PDE1A: variants seen among roughly 807,000 people sequenced by gnomAD.
The protein encoded by PDE1A is dual specificity calcium/calmodulin-dependent 3',5'-cyclic nucleotide phosphodiesterase 1A.
Under a neutral mutation model 61.7 loss-of-function variants are expected in PDE1A, and 35 were observed. That is an observed-to-expected ratio of 0.57 (90% CI 0.43 to 0.75). The LOEUF (loss-of-function observed/expected upper bound fraction) is 0.75. Among genes scored for constraint, PDE1A ranks in the 30% least tolerant of loss-of-function variants. The probability of loss-of-function intolerance (pLI) is 0.00; values close to 1 mark genes in which losing one functional copy is unlikely to be tolerated. For missense variants in PDE1A, 597 were observed against 630.6 expected (o/e 0.95, Z 0.57); for synonymous variants, 232 against 213.2 (o/e 1.09, Z -0.77).
At chr2:182,364,481 A>AAAAAAAAC (rs1559379151) in intron 1 of PDE1A, among the ~76,000 whole-genome samples, 1 of 145,428 alleles carries the variant, frequency 6.9e-6, no homozygotes, top group East Asian at 2.0e-4. Flanking sequence ...AAAAAAAAAA[A>AAAAAAAAC]AAAAAAAAAA....
At chr2:182,146,554 C>CA (rs748243867), downstream of PDE1A, among the ~76,000 whole-genome samples, 10 of 152,042 alleles carry the variant, frequency 6.6e-5, no homozygotes, top group African/African-American at 9.7e-5. Context: ...GGCCTGATCT[C>CA]GCTCACTGCA....
the PDE1A span, among the ~76,000 whole-genome samples, chr2:182,626,726 T>TATATATATACACATATATATATAC: frequency 7.8e-5 from 1 of 12,770 alleles, no homozygotes; most frequent in Non-Finnish European, 3.0e-4. Flanking sequence ...TTTATATATA[T>TATATATATACACATATATATATAC]ATATATATAT....
intron 1 of PDE1A, among the ~76,000 whole-genome samples, chr2:182,392,959 A>C (rs539621806): frequency 6.6e-6 from 1 of 152,330 alleles, no homozygotes; most frequent in East Asian, 1.9e-4. Flanking sequence ...CCAGATACAC[A>C]GTGTAAGCTG....
the PDE1A span, among the ~76,000 whole-genome samples, chr2:182,667,260 G>T: frequency 2.6e-5 from 4 of 152,152 alleles, no homozygotes; most frequent in East Asian, 1.9e-4. Context: ...AATTCCTGCA[G>T]GTCTAAATAG....
At chr2:182,213,698 C>T (rs1205079993) in intron 7 of PDE1A, among the ~76,000 whole-genome samples, 77 of 73,316 alleles carry the variant, frequency 1.1e-3, no homozygotes, top group African/African-American at 3.4e-3. Flanking sequence ...TGAAATGAAG[C>T]GAGAAGGGAA....
chr2:182,362,266 C>A (rs201635388), intron 1 of PDE1A, among the ~76,000 whole-genome samples: 1 of 151,870 alleles, frequency 6.6e-6, no homozygotes, highest in Non-Finnish European at 1.5e-5. Context: ...GTCCCCCAGG[C>A]CTTTTTGTTG....
chr2:182,168,301 A>C, intron 13 of PDE1A: 1 of 1,583,544 alleles, frequency 6.3e-7, no homozygotes, highest in Non-Finnish European at 8.5e-7. Flanking sequence ...CTGAAAAAAA[A>C]AAAAGCGTAC....
intron 1 of PDE1A, among the ~76,000 whole-genome samples, chr2:182,276,930 G>C (rs370638405): frequency 1.3e-5 from 2 of 151,774 alleles, no homozygotes; most frequent in African/African-American, 2.4e-5. Context: ...TATTAGGGTG[G>C]GGAAAAAATC....
At chr2:182,448,882 C>T (rs1685312045) in intron 2 of PDE1A, among the ~76,000 whole-genome samples, 1 of 151,862 alleles carries the variant, frequency 6.6e-6, no homozygotes, top group South Asian at 2.1e-4. Context: ...CTCTATTTTC[C>T]TCTGGGGAAA....
At chr2:182,670,339 G>A in the PDE1A span, among the ~76,000 whole-genome samples, 1 of 152,154 alleles carries the variant, frequency 6.6e-6, no homozygotes, top group Non-Finnish European at 1.5e-5. Flanking sequence ...AGACTCCTAG[G>A]AAGCTTGAAA....
chr2:182,484,071 T>C (rs1200415872), intron 2 of PDE1A, among the ~76,000 whole-genome samples: 1 of 151,924 alleles, frequency 6.6e-6, no homozygotes, highest in Non-Finnish European at 1.5e-5. Flanking sequence ...AACAAAAATC[T>C]GAATAGAACA....
chr2:182,184,515 A>G (rs771088139), intron 13 of PDE1A, among the ~76,000 whole-genome samples: 1 of 152,216 alleles, frequency 6.6e-6, no homozygotes, highest in Non-Finnish European at 1.5e-5. Context: ...AGATACAGAC[A>G]TTCCCAGATA....
At chr2:182,447,708 A>G (rs928821913) in intron 2 of PDE1A, among the ~76,000 whole-genome samples, 1 of 152,082 alleles carries the variant, frequency 6.6e-6, no homozygotes, top group Non-Finnish European at 1.5e-5. Context: ...TTCCTATGGC[A>G]TGGCTCACTT....
intron 1 of PDE1A, among the ~76,000 whole-genome samples, chr2:182,410,489 TAAC>T (rs1393574981): frequency 1.3e-5 from 2 of 152,222 alleles, no homozygotes; most frequent in Admixed American, 6.5e-5. Context: ...TTTCCAACTA[TAAC>T]AATAATAAGC....
the PDE1A span, among the ~76,000 whole-genome samples, chr2:182,689,182 T>C: frequency 6.6e-6 from 1 of 152,236 alleles, no homozygotes; most frequent in East Asian, 1.9e-4. Context: ...GCAGACTTAA[T>C]AGACATCTAC....
intron 7 of PDE1A, among the ~76,000 whole-genome samples, chr2:182,222,526 C>T (rs950360230): frequency 2.0e-5 from 3 of 151,906 alleles, no homozygotes; most frequent in African/African-American, 7.2e-5. Flanking sequence ...AAGAGTGAAC[C>T]TTCATATAAA....
At chr2:182,161,498 A>G (rs567060218) in intron 13 of PDE1A, among the ~76,000 whole-genome samples, 1 of 152,200 alleles carries the variant, frequency 6.6e-6, no homozygotes, top group African/African-American at 2.4e-5. Flanking sequence ...CCCACCCACA[A>G]TGGTATCTCT....
In PDE1A at chr2:182,453,243, T is replaced by C. The variant is rs528794244; in HGVS notation, c.101+69033A>G. On this transcript the variant is annotated intron_variant, in intron 2 of 14. Coordinates refer to the PDE1A transcript ENST00000410103. ...TAATTCCTTTGTTTCGGCACTATCG[T>C]TATTAGTCATTCATTATGAAGCTGA... 6.6e-5 allele frequency among the ~76,000 whole-genome samples: 10 copies of C among 152,140 alleles called. No individual in the cohort carries two copies. In the South Asian group the frequency reaches 1.5e-3, roughly 22 times the overall value.
chr2:182,277,021 A>G lies in PDE1A; in HGVS notation c.54-12607T>C, dbSNP rs1186885264. Among the ~76,000 whole-genome samples, 3 of 152,064 alleles carry G rather than the reference A, an allele frequency of 2.0e-5. No individual in the cohort carries two copies. In the East Asian group the frequency reaches 5.8e-4, roughly 29 times the overall value. On this transcript the variant is annotated intron_variant, in intron 1 of 13. Coordinates refer to ENST00000351439, the Ensembl canonical transcript of PDE1A. Reference sequence around the variant, plus strand: ...GTTGTTTAAGAAGTTTATTAAGACAATATGTGCACAGCTGAACATAGACCC... The same window carrying G: ...GTTGTTTAAGAAGTTTATTAAGACAGTATGTGCACAGCTGAACATAGACCC...
Sources: allele counts gnomAD v4.1 joint callset (sites outside exome capture counted in the v4.1 genomes callset), GRCh38; gene constraint gnomAD v4.1.1; transcripts MANE v1.5; gene names NCBI Gene and HGNC (gene_info 2026-07-23, HGNC 2026-07-21).